TOPBP1: variants seen among roughly 807,000 people sequenced by gnomAD.
The protein encoded by TOPBP1 is DNA topoisomerase 2-binding protein 1.
Under a neutral mutation model 167.7 loss-of-function variants are expected in TOPBP1, and 28 were observed. The ratio of observed to expected loss-of-function variants is 0.17; its 90% CI spans 0.12 to 0.23. TOPBP1 has a LOEUF of 0.23. Ranked by LOEUF, TOPBP1 falls within the 10% of genes least tolerant of loss-of-function variation. The pLI, the probability that TOPBP1 is intolerant of heterozygous loss-of-function variation, is 1.00. For synonymous variants in TOPBP1, 598 were observed against 611.4 expected, an observed-to-expected ratio of 0.98 and a Z score of 0.32; for missense variants, 1,554 against 1,809.6, an observed-to-expected ratio of 0.86 and a Z score of 2.56.
intron 27 of TOPBP1, among the ~76,000 whole-genome samples, chr3:133,605,071 C>T (rs115587350): frequency 0.02 from 3,066 of 151,436 alleles, 134 homozygotes; most frequent in African/African-American, 0.07. Flanking sequence ...TGGTGGCGTG[C>T]GCTTGTAGTC....
chr3:133,627,385 G>C (rs1935302618), intron 16 of TOPBP1, among the ~76,000 whole-genome samples: 1 of 152,026 alleles, frequency 6.6e-6, no homozygotes, highest in Non-Finnish European at 1.5e-5. Context: ...ATAATGCTCA[G>C]CAACTGGCAA....
At chr3:133,624,226 A>C (rs1935195414) in intron 16 of TOPBP1, 51 bp from the exon 17 acceptor site, 2 of 1,586,482 alleles carry the variant, frequency 1.3e-6, no homozygotes, top group Admixed American at 3.4e-5. Context: ...CATCCTCATT[A>C]GTTTAAGATG....
intron 8 of TOPBP1, among the ~76,000 whole-genome samples, chr3:133,650,172 T>A (rs1342950018): frequency 2.0e-5 from 3 of 152,168 alleles, no homozygotes; most frequent in Admixed American, 6.5e-5. Flanking sequence ...AGATACTTGA[T>A]AAGTATTTTG....
rs1250476891 is a variant in TOPBP1 at position 133,660,544 on chromosome 3, T to G, written c.84+500A>C. On this transcript the variant is annotated intron_variant, in intron 2 of 27. Coordinates refer to ENST00000260810, the MANE Select transcript of TOPBP1 (RefSeq NM_007027.4). ...TGAAGATCTTGTTAGAAATGCAGAT[T>G]CTAAGTCTGGGTTGGAGGCCAAGAT... Among the ~76,000 whole-genome samples the G allele has an allele frequency of 2.6e-5, 4 of 152,218 alleles. No individual in the cohort carries two copies. The East Asian group carries it at 7.7e-4, about 29-fold the overall frequency.
At chr3:133,636,562 G>A (rs1055574341) in intron 14 of TOPBP1, among the ~76,000 whole-genome samples, 1 of 152,038 alleles carries the variant, frequency 6.6e-6, no homozygotes, top group African/African-American at 2.4e-5. Context: ...TGTGTTTTTT[G>A]TATTGAGGCT....
chr3:133,632,864 C>T (rs145806474), intron 14 of TOPBP1, among the ~76,000 whole-genome samples: 124 of 152,348 alleles, frequency 8.1e-4, no homozygotes, highest in African/African-American at 2.9e-3. Flanking sequence ...CCTCTATCTC[C>T]TGGACTCAAG....
intron 14 of TOPBP1, among the ~76,000 whole-genome samples, chr3:133,637,580 A>T (rs1322423699): frequency 2.6e-5 from 4 of 152,222 alleles, no homozygotes; most frequent in Admixed American, 6.5e-5. Context: ...TCTTCTTTGT[A>T]TGAAAAAACA....
chr3:133,617,305 A>G lies in TOPBP1; in HGVS notation c.3614T>C (p.Ile1205Thr), dbSNP rs1934930076. ...AKQAVCDPGN[I>T]RVTEAPKHPI... ...GTGTTTGGGAGCTTCAGTCACACGTATGTTTCCAGGATCACAGACAGCTGA... is the reference window on the plus strand; with the variant it reads ...GTGTTTGGGAGCTTCAGTCACACGTGTGTTTCCAGGATCACAGACAGCTGA... Residue 1205 changes from isoleucine to threonine, a missense_variant, in exon 22 of 28, where the codon ATA becomes ACA. Around this residue, in one of 3 missense-constraint regions of TOPBP1, gnomAD observed 351 missense variants for 432.9 expected, o/e 0.81. Transcript: ENST00000260810. 1.2e-6 allele frequency: 2 copies of G among 1,612,002 alleles called. No homozygotes were observed. The highest frequency in any genetic ancestry group is 1.3e-5 in the African/African-American group (1 of 74,794).
chr3:133,658,938 G>A (rs2718804), intron 3 of TOPBP1, 78 bp downstream of exon 3: 187,441 of 1,434,640 alleles, frequency 0.13, 13,025 homozygotes, highest in Non-Finnish European at 0.14. Context: ...TTTATAATCC[G>A]CAAAGAATGT....
chr3:133,650,503 T>C (rs996563307), intron 8 of TOPBP1, among the ~76,000 whole-genome samples: 3 of 152,156 alleles, frequency 2.0e-5, no homozygotes, highest in Non-Finnish European at 4.4e-5. Context: ...ACAAAAAATA[T>C]ATATAAGTCA....
At chr3:133,642,081 C>T (rs755733732) in intron 12 of TOPBP1, among the ~76,000 whole-genome samples, 2 of 152,128 alleles carry the variant, frequency 1.3e-5, no homozygotes, top group Non-Finnish European at 2.9e-5. Context: ...CCCTGGTCTC[C>T]TGGGCTCAAG....
chr3:133,620,089 C>G, intron 20 of TOPBP1, 66 bp downstream of exon 20: 1 of 1,457,958 alleles, frequency 6.9e-7, no homozygotes, highest in Non-Finnish European at 9.2e-7. Flanking sequence ...ATTGAGTCAG[C>G]AGCAGGTACG....
Position 133,656,767 on chromosome 3 carries a change from C to T in TOPBP1, c.454G>A (p.Gly152Ser). The part of the protein sequence containing the change: ...SVTHLIAGEV[G>S]SKKYLVAANL... Reference sequence around the variant, plus strand: ...GCAGCAACTAAATATTTTTTGCTACCAACTTCTCCTGCAATAAGGTGAGTT... The same window carrying T: ...GCAGCAACTAAATATTTTTTGCTACTAACTTCTCCTGCAATAAGGTGAGTT... Residue 152 changes from glycine (G) to serine (S), a missense_variant, in exon 5 of 28, where the codon GGT (glycine) becomes AGT (serine). Around this residue, in one of 3 missense-constraint regions of TOPBP1, gnomAD observed 1,197 missense variants for 1,351.5 expected, o/e 0.89. Coordinates refer to ENST00000260810, the MANE Select transcript of TOPBP1 (RefSeq NM_007027.4). 12 of 1,612,472 alleles carry T rather than the reference C, an allele frequency of 7.4e-6. No individual in the cohort carries two copies. The highest frequency in any genetic ancestry group is 9.3e-6 in the Non-Finnish European group (11 of 1,179,316).
chr3:133,649,216 C>T (rs1401340032), intron 10 of TOPBP1, among the ~76,000 whole-genome samples, 167 bp downstream of exon 10: 3 of 152,080 alleles, frequency 2.0e-5, no homozygotes, highest in East Asian at 1.9e-4. Context: ...GGGTTCAGGA[C>T]CCTCTTGTCT....
chr3:133,643,489 C>T (rs1935969301), intron 11 of TOPBP1, 117 bp from the exon 12 acceptor site: 2 of 806,820 alleles, frequency 2.5e-6, no homozygotes, highest in Non-Finnish European at 3.7e-6. Context: ...TACTTTAATA[C>T]AAACTTGTGT....
intron 13 of TOPBP1, 54 bp from the exon 14 acceptor site, chr3:133,638,216 C>T (rs904574126): frequency 9.2e-6 from 14 of 1,517,912 alleles, no homozygotes; most frequent in Non-Finnish European, 1.1e-5. Context: ...CCCACTTTTT[C>T]CCGGTACACA....
intron 5 of TOPBP1, among the ~76,000 whole-genome samples, chr3:133,655,772 GA>G (rs1936460327): frequency 6.6e-6 from 1 of 152,138 alleles, no homozygotes; most frequent in African/African-American, 2.4e-5. Context: ...TTTCCAAAAT[GA>G]TAAGTCTGAA....
chr3:133,660,044 C>T (rs1936631141), intron 2 of TOPBP1, among the ~76,000 whole-genome samples: 1 of 152,148 alleles, frequency 6.6e-6, no homozygotes, highest in Non-Finnish European at 1.5e-5. Flanking sequence ...ACTCTTCCCC[C>T]ATCCCTCACT....
chr3:133,655,346 T>A lies in TOPBP1; in HGVS notation c.686A>T (p.Tyr229Phe), dbSNP rs1559833652. ...TTCATTCATTTTCAATTGTCCCATG[T>A]ATTGACCTCCATGCTTAACTGTGAG... ...QQLTVKHGGQ[Y>F]MGQLKMNECT... The change falls in exon 6 of 28, where the codon TAC (tyrosine) becomes TTC (phenylalanine). Residue 229 changes from tyrosine to phenylalanine, a missense_variant. Physicochemically the swap from Tyr to Phe is conservative, Grantham distance 22. This residue lies in a region of TOPBP1 where 1,197 missense variants were observed against 1,351.5 expected (regional missense o/e 0.89). Transcript: ENST00000260810. 6.2e-7 allele frequency: 1 copy of A among 1,603,448 alleles called. No homozygotes were observed. The highest frequency in any genetic ancestry group is 8.5e-7 in the Non-Finnish European group (1 of 1,175,104).
Sources: gnomAD v4.1 joint callset for allele counts (sites outside exome capture counted in the v4.1 genomes callset) on GRCh38, gnomAD v4.1.1 for gene constraint, gnomAD v4.1.1 regional missense constraint, MANE v1.5 for transcripts, NCBI Gene and HGNC (gene_info 2026-07-23, HGNC 2026-07-21) for gene names.